Variants in SORCS2 observed in about 807,000 individuals in gnomAD.
SORCS2 encodes the protein VPS10 domain-containing receptor SorCS2.
A neutral mutation model predicts 141.6 loss-of-function variants in SORCS2; 100 were observed. That is an observed-to-expected ratio of 0.71 (90% confidence interval 0.60 to 0.83). SORCS2 has a LOEUF of 0.83. Ranked by LOEUF, SORCS2 falls within the 40% of genes least tolerant of loss-of-function variation. The probability of loss-of-function intolerance (pLI) is 0.00; values close to 1 mark genes in which losing one functional copy is unlikely to be tolerated. For synonymous variants in SORCS2, 789 were observed against 676.9 expected (o/e 1.17, Z -2.57); for missense variants, 1,646 against 1,560.2 (o/e 1.05, Z -0.93).
chr4:7,578,357 A>G (rs780694678), intron 3 of SORCS2, among the ~76,000 whole-genome samples: 3 of 152,192 alleles, frequency 2.0e-5, no homozygotes, highest in Non-Finnish European at 4.4e-5. Context: ...ATGGCAACAC[A>G]AAATGGACTA....
intron 23 of SORCS2, among the ~76,000 whole-genome samples, chr4:7,731,247 C>A (rs1227058784): frequency 2.0e-5 from 3 of 152,108 alleles, no homozygotes; most frequent in Non-Finnish European, 4.4e-5. Context: ...AACTTAGGAA[C>A]AAATTAAACC....
At chr4:7,706,217 TCTGGGCAGGGATGAGGCTGCGCTCCGC>T (rs1476730599) in intron 14 of SORCS2, among the ~76,000 whole-genome samples, 3 of 53,858 alleles carry the variant, frequency 5.6e-5, no homozygotes, top group Non-Finnish European at 7.8e-5. Context: ...CTGGGCTCCG[TCTGGGCAGGGATGAGGCTGCGCTCCGC>T]CTGGGCAGGG....
intron 1 of SORCS2, among the ~76,000 whole-genome samples, chr4:7,251,351 T>C (rs1204579632): frequency 6.6e-6 from 1 of 152,152 alleles, no homozygotes; most frequent in Non-Finnish European, 1.5e-5. Flanking sequence ...ATTTTTTAAA[T>C]TAAAACAAAT....
intron 3 of SORCS2, among the ~76,000 whole-genome samples, chr4:7,602,557 TGGC>T (rs1280624166): frequency 7.4e-6 from 1 of 135,622 alleles, no homozygotes; most frequent in Non-Finnish European, 1.6e-5. Flanking sequence ...CTAGATGGGA[TGGC>T]GGCGGCCGGG....
intron 2 of SORCS2, among the ~76,000 whole-genome samples, chr4:7,495,862 G>A (rs1443319195): frequency 6.6e-6 from 1 of 152,208 alleles, no homozygotes; most frequent in Non-Finnish European, 1.5e-5. Context: ...ACCCACCCAG[G>A]GAGGAGCTGA....
chr4:7,690,441 G>A (rs1724163034), intron 11 of SORCS2, among the ~76,000 whole-genome samples: 3 of 151,586 alleles, frequency 2.0e-5, no homozygotes, highest in Admixed American at 2.0e-4. Context: ...TGGGTGGATG[G>A]ATGGATGGAT....
chr4:7,372,855 C>T (rs1042127302), intron 1 of SORCS2, among the ~76,000 whole-genome samples: 5 of 152,116 alleles, frequency 3.3e-5, no homozygotes, highest in Admixed American at 1.3e-4. Context: ...CTTTCACTCC[C>T]GCAGTCCTGT....
At chr4:7,254,735 G>C (rs865870557) in intron 1 of SORCS2, among the ~76,000 whole-genome samples, 9 of 152,358 alleles carry the variant, frequency 5.9e-5, no homozygotes, top group South Asian at 2.1e-4. Flanking sequence ...AGTGCTGGCT[G>C]TATGGGCTTG....
chr4:7,237,904 G>C (rs1712400414), intron 1 of SORCS2, among the ~76,000 whole-genome samples: 1 of 152,058 alleles, frequency 6.6e-6, no homozygotes, highest in African/African-American at 2.4e-5. Context: ...TGAAATGTGT[G>C]TGCCGTTTTC....
At chr4:7,232,141 G>A (rs1711933618) in intron 1 of SORCS2, among the ~76,000 whole-genome samples, 1 of 152,228 alleles carries the variant, frequency 6.6e-6, no homozygotes, top group Non-Finnish European at 1.5e-5. Context: ...ACAGCGTGGA[G>A]CAGGATTGGG....
At chr4:7,543,961 C>CATCCATCCATCCATCCATCT (rs1196873615) in intron 3 of SORCS2, among the ~76,000 whole-genome samples, 7 of 119,904 alleles carry the variant, frequency 5.8e-5, no homozygotes, top group Admixed American at 7.8e-5. Flanking sequence ...TCCATCCATC[C>CATCCATCCATCCATCCATCT]ATCCATCCAT....
intron 3 of SORCS2, among the ~76,000 whole-genome samples, chr4:7,596,276 C>T (rs1295223239): frequency 6.6e-6 from 1 of 152,128 alleles, no homozygotes; most frequent in East Asian, 1.9e-4. Context: ...TCACAATGGC[C>T]AGCTTGGCTG....
At chr4:7,413,451 TG>T (rs1362499968) in intron 2 of SORCS2, among the ~76,000 whole-genome samples, 3 of 133,722 alleles carry the variant, frequency 2.2e-5, no homozygotes, top group African/African-American at 8.1e-5. Flanking sequence ...TGGAGTTCAG[TG>T]GTGTGATCTT....
chr4:7,587,070 C>CT (rs1716584983), intron 3 of SORCS2, among the ~76,000 whole-genome samples: 1 of 151,978 alleles, frequency 6.6e-6, no homozygotes, highest in South Asian at 2.1e-4. Context: ...CGGGGCTGCC[C>CT]TGGGAGGTAG....
chr4:7,329,551 T>C (rs867750700), intron 1 of SORCS2, among the ~76,000 whole-genome samples: 82 of 152,326 alleles, frequency 5.4e-4, no homozygotes, highest in African/African-American at 1.9e-3. Flanking sequence ...GGCCTCTTCA[T>C]GGCAGGTTTC....
In SORCS2 at chr4:7,303,404, G is replaced by A. The variant is rs79082446; in HGVS notation, c.481-92884G>A. 5.3e-5 allele frequency among the ~76,000 whole-genome samples: 8 copies of A among 152,254 alleles called. No homozygotes were observed. In the East Asian group the frequency reaches 1.4e-3, roughly 26 times the overall value. On this transcript the variant is annotated intron_variant, in intron 1 of 26. Transcript: ENST00000507866. Reference sequence around the variant, plus strand: ...TCCTCCCTTTTCTAAAAAGAAACCCGTCTCATCCCTTTTTGCTGTTTCATA... The same window carrying A: ...TCCTCCCTTTTCTAAAAAGAAACCCATCTCATCCCTTTTTGCTGTTTCATA...
At chr4:7,652,399 A>T (rs1007700407) in intron 4 of SORCS2, among the ~76,000 whole-genome samples, 3 of 152,128 alleles carry the variant, frequency 2.0e-5, no homozygotes, top group Non-Finnish European at 4.4e-5. Flanking sequence ...GAACCTGAGG[A>T]TCAGCTGGCC....
At chr4:7,556,320 C>G (rs1220459353) in intron 3 of SORCS2, among the ~76,000 whole-genome samples, 1 of 152,076 alleles carries the variant, frequency 6.6e-6, no homozygotes. Flanking sequence ...TTAAAGGTGC[C>G]TCGAGGCATC....
At chr4:7,452,752 G>A (rs1248063640) in intron 2 of SORCS2, among the ~76,000 whole-genome samples, 1 of 152,248 alleles carries the variant, frequency 6.6e-6, no homozygotes, top group Non-Finnish European at 1.5e-5. Context: ...GGAAAGATGA[G>A]GTGAGCAGCG....
Sources: allele counts gnomAD v4.1 joint callset (sites outside exome capture counted in the v4.1 genomes callset), GRCh38; gene constraint gnomAD v4.1.1; transcripts MANE v1.5; gene names NCBI Gene and HGNC (gene_info 2026-07-23, HGNC 2026-07-21).